The following SGO1 variants were observed in gnomAD, a reference collection of about 807,000 sequenced individuals.
The protein encoded by SGO1 is shugoshin 1.
In SGO1, 39 loss-of-function variants were observed where a neutral mutation model predicts 50.5. The ratio of observed to expected loss-of-function variants is 0.77; its 90% CI spans 0.60 to 1.01. SGO1 has a LOEUF of 1.01. SGO1 is among the 50% of genes least tolerant of loss of function. The pLI is 0.00. For synonymous variants in SGO1, 191 were observed against 205.1 expected (o/e 0.93, Z 0.59); for missense variants, 638 against 606.0 (o/e 1.05, Z -0.55).
At chr3:20,173,135 CT>C (rs11288410) in intron 6 of SGO1, among the ~76,000 whole-genome samples, 88,093 of 144,144 alleles carry the variant, frequency 0.61, 28,881 homozygotes, top group East Asian at 0.95. Context: ...AGCATTTTTG[CT>C]TTTTTTTTTT....
At chr3:20,178,437 C>A (rs575308804) in intron 3 of SGO1, 90 bp from the exon 4 acceptor site, 2 of 919,002 alleles carry the variant, frequency 2.2e-6, no homozygotes, top group South Asian at 2.8e-5. Context: ...TGTTGACAGT[C>A]TATCATGGTG....
At position 20,170,784 on chromosome 3, in the gene SGO1, A is replaced by G. The variant is rs764819662; in HGVS notation, c.1504T>C (p.Leu502=). ...KLRRGDPFTD[L]CFLNSPIFKQ... ...AAAATAGGAGAATTCAAAAAACACA[A>G]ATCTGTAAAAGGGTCCCCTCTTCTC... The change falls in exon 8 of 8, where the codon TTG becomes CTG. Residue 502 remains leucine, a synonymous_variant. Coordinates refer to ENST00000412997, the MANE Select transcript of SGO1 (RefSeq NM_001199251.3). 6.3e-7 allele frequency: 1 copy of G among 1,596,536 alleles called. No individual in the cohort carries two copies. The highest frequency in any genetic ancestry group is 8.5e-7 in the Non-Finnish European group (1 of 1,176,110).
In SGO1 at chr3:20,183,635, T is replaced by G. The variant is rs369840848; in HGVS notation, c.312A>C (p.Thr104=). The part of the protein sequence containing the change: ...CQLYALKGKL[T]SQQTVEPAQN... The stretch of plus-strand genomic sequence containing the variant: ...GAGCAGGTTCTACTGTTTGTTGTGA[T>G]GTAAGTTTTCCTTTCAATGCATATA... The change falls in exon 3 of 8, where the codon ACA becomes ACC. Residue 104 remains threonine, a synonymous_variant. Transcript: ENST00000412997. The G allele has an allele frequency of 3.6e-5, 58 of 1,597,688 alleles. 1 individual carries two copies. The highest frequency in any genetic ancestry group is 3.3e-4 in the Middle Eastern group (2 of 5,990).
intron 6 of SGO1, 47 bp from the exon 7 acceptor site, chr3:20,171,279 A>C (rs115667228): frequency 0.054 from 78,725 of 1,445,454 alleles, 2,315 homozygotes; most frequent in Non-Finnish European, 0.058. Context: ...AAAAACCCAC[A>C]CAAAAACTTA....
At chr3:20,160,938 T>C (rs562311371) in exon 9 of SGO1, 1 of 999,912 alleles carries the variant, frequency 1.0e-6, no homozygotes, top group East Asian at 2.8e-5. Flanking sequence ...TTGCTATCTC[T>C]AATTAAAGGG....
chr3:20,177,243 A>G (rs1701500542), intron 4 of SGO1: 1 of 152,240 alleles, frequency 6.6e-6, no homozygotes, highest in Admixed American at 6.5e-5. Context: ...GACATTAAAC[A>G]GATTTAGGTA....
chr3:20,176,513 A>G, intron 5 of SGO1, 88 bp downstream of exon 5: 1 of 833,904 alleles, frequency 1.2e-6, no homozygotes, highest in Non-Finnish European at 1.9e-6. Flanking sequence ...AGTTAAAAAA[A>G]AAGAATTAGA....
At chr3:20,185,233 G>C (rs566161481) in intron 1 of SGO1, among the ~76,000 whole-genome samples, 1 of 152,288 alleles carries the variant, frequency 6.6e-6, no homozygotes, top group Admixed American at 6.5e-5. Flanking sequence ...AATTAAGTTA[G>C]AATTGGAGAT....
chr3:20,179,641 C>T (rs1701790549), intron 3 of SGO1, among the ~76,000 whole-genome samples: 1 of 151,894 alleles, frequency 6.6e-6, no homozygotes, highest in African/African-American at 2.4e-5. Context: ...GTTGCCCAGG[C>T]TGGTCTTGAA....
At chr3:20,161,034 A>G in exon 9 of SGO1, 1 of 1,603,346 alleles carries the variant, frequency 6.2e-7, no homozygotes, top group African/African-American at 1.3e-5. Context: ...GCTAGAATCT[A>G]TTAAAGGTCT....
At chr3:20,180,430 T>A (rs80190969) in intron 3 of SGO1, among the ~76,000 whole-genome samples, 9,078 of 152,218 alleles carry the variant, frequency 0.06, 865 homozygotes, top group African/African-American at 0.2. Context: ...GTTTCATTAC[T>A]TTTTCTCTAA....
At chr3:20,182,974 C>T (rs1225498658) in intron 3 of SGO1, among the ~76,000 whole-genome samples, 1 of 151,648 alleles carries the variant, frequency 6.6e-6, no homozygotes, top group Non-Finnish European at 1.5e-5. Context: ...GCCGAGATCG[C>T]GCCACTGCAC....
In SGO1 at chr3:20,170,570, T is replaced by C; in HGVS notation, c.*134A>G. The C allele has an allele frequency of 1.5e-6, 2 of 1,313,848 alleles. No homozygotes were observed. Among genetic ancestry groups the C allele is most frequent in the East Asian group, 6.3e-5 (2 of 31,984 alleles). The allele number at this position is 1,313,848 out of a possible 1,614,324, so 81.4% of individuals were successfully genotyped here. On this transcript the variant is annotated 3_prime_UTR_variant, in exon 8 of 8. Coordinates refer to ENST00000412997, the MANE Select transcript of SGO1 (RefSeq NM_001199251.3). ...CATTTGAAGTATAGTTCTGAAGAAA[T>C]GTTTATGAGCTAGGGTCCTGTCAAG...
At chr3:20,175,708 A>G (rs1575218306) in intron 5 of SGO1, among the ~76,000 whole-genome samples, 1 of 151,960 alleles carries the variant, frequency 6.6e-6, no homozygotes, top group African/African-American at 2.4e-5. Flanking sequence ...CTGAGGCAGG[A>G]GAATGGCGTG....
At chr3:20,177,718 G>T (rs1701559348) in intron 4 of SGO1, among the ~76,000 whole-genome samples, 1 of 152,126 alleles carries the variant, frequency 6.6e-6, no homozygotes, top group Non-Finnish European at 1.5e-5. Flanking sequence ...TCATCAAATT[G>T]TAACTGTGAT....
At chr3:20,166,983 G>A (rs1439445163), downstream of SGO1, among the ~76,000 whole-genome samples, 1 of 151,650 alleles carries the variant, frequency 6.6e-6, no homozygotes, top group Non-Finnish European at 1.5e-5. Context: ...TGCAGCCTGG[G>A]TGACAGAGTG....
At chr3:20,165,757 A>T (rs1298657481), downstream of SGO1, among the ~76,000 whole-genome samples, 1 of 152,222 alleles carries the variant, frequency 6.6e-6, no homozygotes, top group Non-Finnish European at 1.5e-5. Context: ...AAAAAATCCT[A>T]AACAAAATTG....
intron 3 of SGO1, among the ~76,000 whole-genome samples, chr3:20,182,669 T>C (rs1702155412): frequency 6.6e-6 from 1 of 152,190 alleles, no homozygotes; most frequent in Admixed American, 6.5e-5. Context: ...ATATTTTGGC[T>C]AGCAGGACCA....
rs576838312 is a variant in SGO1, at chr3:20,176,382, T to C, written c.475+219A>G. On this transcript the variant is annotated intron_variant, in intron 5 of 7. Coordinates refer to ENST00000412997, the MANE Select transcript of SGO1 (RefSeq NM_001199251.3). ...AGTAGCAATCAGTAAATTGCTGCCA[T>C]AGTTATAGCCAAAGATTCAGATTAC... is the stretch of plus-strand genomic sequence containing the variant. Among the ~76,000 whole-genome samples, 9 of 152,326 alleles carry C rather than the reference T, an allele frequency of 5.9e-5. No individual in the cohort carries two copies. The South Asian group carries it at 1.9e-3, about 32-fold the overall frequency.
Sources: gnomAD v4.1 joint callset for allele counts (sites outside exome capture counted in the v4.1 genomes callset) on GRCh38, gnomAD v4.1.1 for gene constraint, MANE v1.5 for transcripts, NCBI Gene and HGNC (gene_info 2026-07-23, HGNC 2026-07-21) for gene names.